Variants in TNKS1BP1 observed in about 807,000 individuals in gnomAD.
TNKS1BP1 encodes the protein 182 kDa tankyrase-1-binding protein.
Under a neutral mutation model 141.1 loss-of-function variants are expected in TNKS1BP1, and 48 were observed. The observed-to-expected ratio is 0.34, with a 90% CI of 0.27 to 0.43. The LOEUF (loss-of-function observed/expected upper bound fraction) is 0.43, where lower values mean the gene tolerates loss of function less well. TNKS1BP1 is among the 20% of genes least tolerant of loss of function. The pLI, the probability that TNKS1BP1 is intolerant of heterozygous loss-of-function variation, is 1.00. For missense variants in TNKS1BP1, 2,149 were observed against 2,226.0 expected (o/e 0.97, Z 0.70); for synonymous variants, 875 against 898.2 (o/e 0.97, Z 0.46).
rs1356074188 is a variant in TNKS1BP1 at position 57,308,503 on chromosome 11, T to C, written c.4208A>G (p.Glu1403Gly). Residue 1403 changes from glutamate to glycine, a missense_variant, in exon 6 of 12, where the codon GAG becomes GGG. Glu to Gly is a moderately conservative substitution (Grantham distance 98, BLOSUM62 -2). Coordinates refer to ENST00000358252, the MANE Select transcript of TNKS1BP1 (RefSeq NM_033396.3). ...PLEARELGVG[E>G]TSGPETQGED... ...ACCCTGGGTCTCTGGCCCACTTGTCTCACCAACCCCCAGCTCCCTGGCCTC... is the reference window on the plus strand; with the variant it reads ...ACCCTGGGTCTCTGGCCCACTTGTCCCACCAACCCCCAGCTCCCTGGCCTC... 1.2e-6 allele frequency: 2 copies of C among 1,614,128 alleles called. No individual in the cohort carries two copies. The highest frequency in any genetic ancestry group is 2.2e-5 in the South Asian group (2 of 91,080).
At position 57,309,935 on chromosome 11, in the gene TNKS1BP1, G is replaced by C. The variant is rs764174201; in HGVS notation, c.2776C>G (p.Gln926Glu). The C allele has an allele frequency of 4.3e-6, 7 of 1,614,170 alleles. No individual in the cohort carries two copies. In the South Asian group the frequency reaches 7.7e-5, roughly 18 times the overall value. The change falls in exon 6 of 12, where the codon CAG becomes GAG. Residue 926 changes from glutamine to glutamate, a missense_variant. Physicochemically the swap from Gln to Glu is conservative, Grantham distance 29. Coordinates refer to ENST00000358252, the MANE Select transcript of TNKS1BP1 (RefSeq NM_033396.3). This position sits in a 1 kb window ranked among gnomAD's most constrained non-coding sequence, Gnocchi z 4.3. Reference sequence around the variant, plus strand: ...TCTCTCTTCTGAAACTCCCAGTCCTGCTCATCGGCATCCTGGCTGCTGTAC... The same window carrying C: ...TCTCTCTTCTGAAACTCCCAGTCCTCCTCATCGGCATCCTGGCTGCTGTAC... ...GRYSSQDADE[Q>E]DWEFQKRDVS...
chr11:57,319,301 G>T (rs4939137), intron 3 of TNKS1BP1, among the ~76,000 whole-genome samples: 1,593 of 152,222 alleles, frequency 0.01, 63 homozygotes, highest in East Asian at 0.096. Context: ...GCACTTAAGA[G>T]CAGAGGATTT....
Position 57,309,602 on chromosome 11 carries a change from C to A in TNKS1BP1, c.3109G>T (p.Asp1037Tyr). 2 of 1,613,926 alleles carry A rather than the reference C, an allele frequency of 1.2e-6. No individual in the cohort carries two copies. The highest frequency in any genetic ancestry group is 8.5e-7 in the Non-Finnish European group (1 of 1,180,042). Reference protein sequence around the residue: ...LFSPSTAHVPDGALGQRDQSS... With the variant: ...LFSPSTAHVPYGALGQRDQSS... ...TGGTCTCTCTGCCCGAGTGCCCCAT[C>A]CGGCACGTGGGCAGTGCTAGGACTG... Residue 1037 changes from aspartate to tyrosine, a missense_variant, in exon 6 of 12, where the codon GAT (aspartate) becomes TAT (tyrosine). Asp to Tyr is a radical substitution (Grantham distance 160, BLOSUM62 -3). Transcript: ENST00000358252. The surrounding 1 kb of genome is among the most constrained non-coding windows in gnomAD (Gnocchi z 4.3).
At chr11:57,321,975 G>A in intron 1 of TNKS1BP1, 25 bp from the exon 2 acceptor site, 18 of 1,498,210 alleles carry the variant, frequency 1.2e-5, no homozygotes, top group South Asian at 5.1e-5. Flanking sequence ...AGAAGAGAAG[G>A]AAAAAAAGAG....
Position 57,320,636 on chromosome 11 carries a change from G to A in TNKS1BP1, c.171C>T (p.Pro57=), listed in dbSNP as rs1409300210. Reference sequence around the variant, plus strand: ...GAGGCCCAACAGGCACCAGCAGGCTGGGTTTGGCAGGCAGGGCTGGCTTGG... The same window carrying A: ...GAGGCCCAACAGGCACCAGCAGGCTAGGTTTGGCAGGCAGGGCTGGCTTGG... ...LPAKPALPAK[P]SLLVPVGPRP... The change falls in exon 3 of 12, where the codon CCC becomes CCT. Residue 57 remains proline (P), a synonymous_variant. Transcript: ENST00000358252. The A allele has an allele frequency of 8.1e-6, 13 of 1,613,082 alleles. No homozygotes were observed. Among genetic ancestry groups the A allele is most frequent in the African/African-American group, 4.0e-5 (3 of 74,932 alleles).
intron 1 of TNKS1BP1, among the ~76,000 whole-genome samples, chr11:57,322,646 G>A (rs1221292434): frequency 6.6e-6 from 1 of 152,246 alleles, no homozygotes; most frequent in Non-Finnish European, 1.5e-5. Flanking sequence ...GCCTAGTCCT[G>A]TTGCCATAGC....
intron 3 of TNKS1BP1, 75 bp downstream of exon 3, chr11:57,320,004 G>C (rs1042783303): frequency 1.1e-4 from 165 of 1,555,630 alleles, no homozygotes; most frequent in Admixed American, 5.4e-4. Flanking sequence ...CATGCACTTG[G>C]TCCCCAGCCC....
Position 57,321,825 on chromosome 11 carries a change from C to T in TNKS1BP1, c.61G>A (p.Glu21Lys), listed in dbSNP as rs766946788. 3.1e-6 allele frequency: 5 copies of T among 1,614,064 alleles called. No homozygotes were observed. In the South Asian group the frequency reaches 5.5e-5, roughly 18 times the overall value. The change falls in exon 2 of 12, where the codon GAG becomes AAG. Residue 21 changes from glutamate to lysine, a missense_variant. Glu to Lys is a moderately conservative substitution (Grantham distance 56). Coordinates refer to ENST00000358252, the MANE Select transcript of TNKS1BP1 (RefSeq NM_033396.3). ...GAGCCAGTAGGCACCAGCTCCTCCTCCATCTCCCGGGGCAGTGGGGAAGCC... is the reference window on the plus strand; with the variant it reads ...GAGCCAGTAGGCACCAGCTCCTCCTTCATCTCCCGGGGCAGTGGGGAAGCC... ...AMASPLPREMEEELVPTGSEP... is the reference protein window; with the variant it reads ...AMASPLPREMKEELVPTGSEP...
intron 4 of TNKS1BP1, among the ~76,000 whole-genome samples, chr11:57,314,360 G>A (rs537069308): frequency 3.2e-4 from 49 of 152,308 alleles, no homozygotes; most frequent in Non-Finnish European, 4.6e-4. Context: ...AGAGCAGCTC[G>A]GGGGAGTGGC....
intron 9 of TNKS1BP1, among the ~76,000 whole-genome samples, chr11:57,301,474 T>C (rs1045918426): frequency 2.4e-4 from 37 of 152,170 alleles, no homozygotes; most frequent in Non-Finnish European, 2.1e-4. Context: ...CCTCTCTCTC[T>C]GAACAGGCCC....
rs1354985894 is a variant in TNKS1BP1 at position 57,320,568 on chromosome 11, T to C, written c.239A>G (p.Lys80Arg). 2 of 1,613,996 alleles carry C rather than the reference T, an allele frequency of 1.2e-6. No individual in the cohort carries two copies. The highest frequency in any genetic ancestry group is 2.7e-5 in the African/African-American group (2 of 74,936). ...GPLAELPSAR[K>R]MNMLAGPQPY... ...CTGGGGTCCTGCCAGCATGTTCATC[T>C]TCCTGGCAGAAGGCAACTCAGCCAG... The change falls in exon 3 of 12, where the codon AAG (lysine) becomes AGG (arginine). Residue 80 changes from lysine (K) to arginine (R), a missense_variant. Lys to Arg is a conservative substitution (Grantham distance 26). Transcript: ENST00000358252.
At chr11:57,321,407 C>A (rs1242698476) in intron 2 of TNKS1BP1, among the ~76,000 whole-genome samples, 2 of 152,034 alleles carry the variant, frequency 1.3e-5, no homozygotes, top group East Asian at 1.9e-4. Flanking sequence ...CTGATGGAAT[C>A]CCGTACCTCC....
chr11:57,305,514 G>A (rs35991636), intron 6 of TNKS1BP1, among the ~76,000 whole-genome samples: 5,467 of 152,206 alleles, frequency 0.036, 150 homozygotes, highest in Non-Finnish European at 0.048. Context: ...CAAACATGGC[G>A]CTGGAACTAC....
intron 6 of TNKS1BP1, among the ~76,000 whole-genome samples, chr11:57,306,188 GAATC>G (rs1051260949): frequency 4.6e-5 from 7 of 151,948 alleles, no homozygotes; most frequent in African/African-American, 1.7e-4. Flanking sequence ...TGAGGCAGGA[GAATC>G]GCTTGAACCC....
intron 2 of TNKS1BP1, 34 bp from the exon 3 acceptor site, chr11:57,320,746 C>A: frequency 1.3e-6 from 2 of 1,515,700 alleles, no homozygotes; most frequent in South Asian, 2.6e-5. Context: ...GGGGAGCTGT[C>A]AGAAGAACCA....
intron 5 of TNKS1BP1, 50 bp from the exon 6 acceptor site, chr11:57,310,606 C>A: frequency 6.4e-7 from 1 of 1,561,720 alleles, no homozygotes; most frequent in South Asian, 1.2e-5. Flanking sequence ...TAGATTCCAT[C>A]AGGGTGGGAG....
rs1168554889 is a variant in TNKS1BP1, at chr11:57,313,342, G to A, written c.1346C>T (p.Ala449Val). The A allele has an allele frequency of 6.2e-7, 1 of 1,612,654 alleles. No individual in the cohort carries two copies. The highest frequency in any genetic ancestry group is 8.5e-7 in the Non-Finnish European group (1 of 1,179,808). ...CTGGCTCCCCTGGCCTTGGGGCAGGGCAGCCAGCGAGCCCCCCAGCTTCTC... is the reference window on the plus strand; with the variant it reads ...CTGGCTCCCCTGGCCTTGGGGCAGGACAGCCAGCGAGCCCCCCAGCTTCTC... ...DQEKLGGSLA[A>V]LPQGQGSQLA... Residue 449 changes from alanine to valine, a missense_variant, in exon 5 of 12, where the codon GCC becomes GTC. Physicochemically the swap from Ala to Val is moderately conservative, Grantham distance 64. Coordinates refer to ENST00000358252, the MANE Select transcript of TNKS1BP1 (RefSeq NM_033396.3).
At chr11:57,321,024 TAAACA>T (rs986048857) in intron 2 of TNKS1BP1, among the ~76,000 whole-genome samples, 38 of 152,314 alleles carry the variant, frequency 2.5e-4, no homozygotes, top group African/African-American at 9.1e-4. Context: ...AAGTTATAAT[TAAACA>T]AAAGAATGAA....
chr11:57,308,894 C>G lies in TNKS1BP1; in HGVS notation c.3817G>C (p.Glu1273Gln). 1 of 1,613,966 alleles carries G rather than the reference C, an allele frequency of 6.2e-7. No homozygotes were observed. Among genetic ancestry groups the G allele is most frequent in the Non-Finnish European group, 8.5e-7 (1 of 1,180,032 alleles). Reference sequence around the variant, plus strand: ...CAGTCTGCCTGTCCAACTCCACGCTCCCTTGATTTAAGGAACTCTCCGGCC... The same window carrying G: ...CAGTCTGCCTGTCCAACTCCACGCTGCCTTGATTTAAGGAACTCTCCGGCC... Reference protein sequence around the residue: ...VEAGEFLKSRERGVGQADWTP... With the variant: ...VEAGEFLKSRQRGVGQADWTP... Residue 1273 changes from glutamate (E) to glutamine (Q), a missense_variant, in exon 6 of 12, where the codon GAG becomes CAG. By Grantham distance (29) the Glu-to-Gln change is conservative. Transcript: ENST00000358252.
Sources: gnomAD v4.1 joint callset for allele counts (sites outside exome capture counted in the v4.1 genomes callset) on GRCh38, gnomAD v4.1.1 for gene constraint, Gnocchi (gnomAD v3.1) non-coding constraint, MANE v1.5 for transcripts, NCBI Gene and HGNC (gene_info 2026-07-23, HGNC 2026-07-21) for gene names.